SEL1L2: variants seen among roughly 807,000 people sequenced by gnomAD.
The protein encoded by SEL1L2 is SEL1L2 adaptor subunit of SYVN1 ubiquitin ligase, also known as protein sel-1 homolog 2.
A neutral mutation model predicts 98.8 loss-of-function variants in SEL1L2; 89 were observed. The ratio of observed to expected loss-of-function variants is 0.90; its 90% CI spans 0.76 to 1.07. The LOEUF (loss-of-function observed/expected upper bound fraction) is 1.07. SEL1L2 is among the 50% of genes least tolerant of loss of function. SEL1L2 has a pLI of 0.00. For missense variants in SEL1L2, 788 were observed against 812.0 expected, an observed-to-expected ratio of 0.97 and a Z score of 0.36; for synonymous variants, 262 against 278.5, an observed-to-expected ratio of 0.94 and a Z score of 0.59.
At chr20:13,964,980 AG>A (rs1380474124) in intron 1 of SEL1L2, among the ~76,000 whole-genome samples, 1 of 151,824 alleles carries the variant, frequency 6.6e-6, no homozygotes, top group Non-Finnish European at 1.5e-5. Context: ...CCTATTTGAG[AG>A]TTTCTCTTTT....
chr20:13,927,458 T>C (rs1427569789), intron 3 of SEL1L2, among the ~76,000 whole-genome samples: 4 of 152,208 alleles, frequency 2.6e-5, no homozygotes, highest in Admixed American at 1.3e-4. Flanking sequence ...ATTCCAAAAA[T>C]GGCTAAATAG....
rs377287167 is a variant in SEL1L2, at chr20:13,850,327, GAGA to G, written c.1819-11_1819-9del. The G allele has an allele frequency of 8.2e-5, 133 of 1,613,892 alleles. No individual in the cohort carries two copies. The African/African-American group carries it at 1.5e-3, about 18-fold the overall frequency. On this transcript the variant is annotated splice_polypyrimidine_tract_variant and intron_variant, in intron 18 of 19. Transcript: ENST00000284951. ...TCTGGCCAAGTGAATGTCCTAGAAG[GAGA>G]AGAATAGCCCTACCCATCAGATTCT...
At chr20:13,903,386 G>A (rs902124005) in intron 5 of SEL1L2, among the ~76,000 whole-genome samples, 2 of 152,098 alleles carry the variant, frequency 1.3e-5, no homozygotes, top group Admixed American at 6.6e-5. Flanking sequence ...AATTGTAAAA[G>A]TCTGTTTGGG....
chr20:13,985,101 C>G (rs1461445527), intron 1 of SEL1L2, among the ~76,000 whole-genome samples: 1 of 152,054 alleles, frequency 6.6e-6, no homozygotes, highest in Non-Finnish European at 1.5e-5. Flanking sequence ...GATATCCCCT[C>G]TCCCCCAACC....
chr20:13,970,962 C>T (rs565294054), intron 1 of SEL1L2, among the ~76,000 whole-genome samples: 49 of 150,930 alleles, frequency 3.2e-4, no homozygotes, highest in East Asian at 5.8e-4. Context: ...ATAACTGGCA[C>T]GTTTCAATTT....
intron 5 of SEL1L2, among the ~76,000 whole-genome samples, chr20:13,898,508 C>T (rs1182908799): frequency 6.6e-6 from 1 of 152,192 alleles, no homozygotes; most frequent in Non-Finnish European, 1.5e-5. Context: ...TCTCTTACCC[C>T]AAGTAACCAA....
rs192309373 is a variant in SEL1L2, at chr20:13,955,932, T to G, written c.114+144A>C. 8.6e-6 allele frequency: 5 copies of G among 582,806 alleles called. No individual in the cohort carries two copies. In the East Asian group the frequency reaches 1.6e-4, roughly 18 times the overall value. 36.1% of individuals were successfully genotyped at this position (582,806 alleles called of 1,614,324 possible). On this transcript the variant is annotated intron_variant, in intron 2 of 19. Transcript: ENST00000284951. The stretch of plus-strand genomic sequence containing the variant: ...CTCTCACGGTTGACTAAGCAAATGT[T>G]TGTTGAATGAATGAAAGAATAATAT...
chr20:13,866,877 C>T (rs1193574898), intron 14 of SEL1L2, 27 bp from the exon 15 acceptor site: 2 of 1,582,420 alleles, frequency 1.3e-6, no homozygotes, highest in African/African-American at 1.4e-5. Context: ...TTTTGAGCCA[C>T]CCCTTATTGA....
intron 5 of SEL1L2, among the ~76,000 whole-genome samples, chr20:13,907,968 G>T (rs527992294): frequency 2.7e-5 from 4 of 150,450 alleles, no homozygotes; most frequent in Admixed American, 2.0e-4. Flanking sequence ...ATATTTTTTT[G>T]TAAAGATAGG....
Position 13,850,283 on chromosome 20 carries a change from C to A in SEL1L2, c.1855G>T (p.Ala619Ser), listed in dbSNP as rs1209735965. Residue 619 changes from alanine to serine, a missense_variant, in exon 19 of 20, where the codon GCT becomes TCT. Physicochemically the swap from Ala to Ser is moderately conservative, Grantham distance 99. Coordinates refer to ENST00000284951, the MANE Select transcript of SEL1L2 (RefSeq NM_025229.2). ...ATGTGGGCATCTGGACTCGTTTGAG[C>A]AGCCATGTCGTACAATCTTCTGGCC... ...HLARRLYDMA[A>S]QTSPDAHIPV... The A allele has an allele frequency of 6.2e-7, 1 of 1,614,086 alleles. No individual in the cohort carries two copies.
chr20:13,904,567 ACT>A (rs1221259762), intron 5 of SEL1L2, among the ~76,000 whole-genome samples: 1 of 151,754 alleles, frequency 6.6e-6, no homozygotes, highest in Non-Finnish European at 1.5e-5. Flanking sequence ...ATAAATAAAT[ACT>A]CTCTGATTCT....
intron 5 of SEL1L2, among the ~76,000 whole-genome samples, chr20:13,904,589 T>G (rs1029406052): frequency 2.0e-5 from 3 of 152,166 alleles, no homozygotes; most frequent in Admixed American, 2.0e-4. Flanking sequence ...TGCTAATTCC[T>G]CTAATCTTAA....
At chr20:13,953,206 T>C (rs1379858272) in intron 2 of SEL1L2, among the ~76,000 whole-genome samples, 2 of 152,204 alleles carry the variant, frequency 1.3e-5, no homozygotes, top group Non-Finnish European at 2.9e-5. Context: ...CTGTGCAAAC[T>C]GGTAAAAGGC....
chr20:13,992,969 T>C (rs546767831), upstream of SEL1L2, among the ~76,000 whole-genome samples: 6 of 152,278 alleles, frequency 3.9e-5, no homozygotes, highest in South Asian at 8.3e-4. Flanking sequence ...TTTAGTCACA[T>C]TGGAGATTAG....
intron 18 of SEL1L2, chr20:13,851,550 T>A (rs951903708): frequency 6.6e-6 from 1 of 152,184 alleles, no homozygotes; most frequent in African/African-American, 2.4e-5. Flanking sequence ...GGAGCTTTTT[T>A]TTTTCATGAA....
At chr20:13,915,227 G>T (rs2048354044) in intron 4 of SEL1L2, 1 of 1,289,358 alleles carries the variant, frequency 7.8e-7, no homozygotes, top group African/African-American at 1.5e-5. Context: ...AAACATCCAG[G>T]TAGGCATTAG....
intron 1 of SEL1L2, among the ~76,000 whole-genome samples, chr20:13,986,646 A>G (rs1351776092): frequency 6.6e-6 from 1 of 152,074 alleles, no homozygotes; most frequent in Admixed American, 6.5e-5. Flanking sequence ...TTGTTTATTT[A>G]CTCATTTGTT....
At chr20:13,914,347 T>C (rs1170155342) in intron 4 of SEL1L2, among the ~76,000 whole-genome samples, 3 of 152,174 alleles carry the variant, frequency 2.0e-5, no homozygotes, top group Non-Finnish European at 2.9e-5. Flanking sequence ...ATAAAATAAA[T>C]TCTGAAAAAT....
intron 5 of SEL1L2, among the ~76,000 whole-genome samples, chr20:13,901,979 A>G (rs1234650527): frequency 6.6e-6 from 1 of 152,122 alleles, no homozygotes; most frequent in Non-Finnish European, 1.5e-5. Context: ...CTTACTTTTA[A>G]TTACATATAG....
Sources: allele counts gnomAD v4.1 joint callset (sites outside exome capture counted in the v4.1 genomes callset), GRCh38; gene constraint gnomAD v4.1.1; transcripts MANE v1.5; gene names NCBI Gene and HGNC (gene_info 2026-07-23, HGNC 2026-07-21).